CFAP299: variants seen among roughly 807,000 people sequenced by gnomAD.
CFAP299 encodes cilia and flagella associated protein 299.
CFAP299 carries 21 observed loss-of-function variants against 27.0 expected under a neutral mutation model. The observed-to-expected ratio is 0.78, with a 90% CI of 0.55 to 1.12. CFAP299 has a LOEUF of 1.12. Among genes scored for constraint, CFAP299 ranks in the 50% most tolerant of loss-of-function variants. The pLI, the probability that CFAP299 is intolerant of heterozygous loss-of-function variation, is 0.00. For synonymous variants in CFAP299, 104 were observed against 98.1 expected, an observed-to-expected ratio of 1.06 and a Z score of -0.36; for missense variants, 310 against 276.6, an observed-to-expected ratio of 1.12 and a Z score of -0.86.
chr4:80,820,559 G>A (rs1334085333), intron 3 of CFAP299, among the ~76,000 whole-genome samples: 1 of 152,080 alleles, frequency 6.6e-6, no homozygotes, highest in Non-Finnish European at 1.5e-5. Context: ...TAGGACCCAA[G>A]GGTGGGGAGG....
chr4:80,337,288 A>G (rs1200922158), intron 1 of CFAP299, among the ~76,000 whole-genome samples: 3 of 152,246 alleles, frequency 2.0e-5, no homozygotes, highest in Non-Finnish European at 4.4e-5. Flanking sequence ...TAGTATTATT[A>G]AGAAAGGTTT....
the CFAP299 span, among the ~76,000 whole-genome samples, chr4:80,326,848 T>C: frequency 3.9e-5 from 6 of 152,226 alleles, no homozygotes; most frequent in African/African-American, 7.2e-5. Context: ...ATTACAAAAT[T>C]ATATTTTAAA....
intron 1 of CFAP299, among the ~76,000 whole-genome samples, chr4:80,344,601 C>G (rs1003878399): frequency 3.3e-5 from 5 of 152,108 alleles, no homozygotes; most frequent in Non-Finnish European, 7.4e-5. Flanking sequence ...TCTAATGAAA[C>G]TATTTCAAAA....
intron 1 of CFAP299, among the ~76,000 whole-genome samples, chr4:80,348,385 C>T (rs1178918230): frequency 1.3e-5 from 2 of 152,090 alleles, no homozygotes; most frequent in Admixed American, 1.3e-4. Flanking sequence ...TGCAATCTAT[C>T]CGTCTGACAA....
chr4:80,866,315 T>C (rs944458802), intron 3 of CFAP299, among the ~76,000 whole-genome samples: 4 of 151,812 alleles, frequency 2.6e-5, no homozygotes, highest in East Asian at 1.9e-4. Context: ...AGAATTCTAA[T>C]TGAGAAAATA....
At position 80,591,131 on chromosome 4, in the gene CFAP299, T is replaced by TA. The variant is rs1560643089; in HGVS notation, c.333+7949dup. 1.4e-3 allele frequency among the ~76,000 whole-genome samples: 190 copies of TA among 137,128 alleles called. 1 individual carries two copies. The highest frequency in any genetic ancestry group is 2.2e-3 in the Non-Finnish European group (141 of 63,474). The allele number at this position is 137,128 out of a possible 152,430, so 90.0% of individuals were successfully genotyped here. A position where few individuals can be genotyped will look rare whatever the true frequency, so the allele number is the denominator to read the frequency against. ...TTTTTTTTTTTTTTTTTTTTTTTTT[T>TA]ATTTTTTTTTGAGACGGAGTCTCGC... On this transcript the variant is annotated intron_variant, in intron 3 of 5. Coordinates refer to ENST00000358105, the MANE Select transcript of CFAP299 (RefSeq NM_152770.3).
intron 2 of CFAP299, among the ~76,000 whole-genome samples, chr4:80,543,705 A>C (rs1335397834): frequency 6.6e-6 from 1 of 152,256 alleles, no homozygotes; most frequent in African/African-American, 2.4e-5. Context: ...TAAAGAGAAG[A>C]ATCTTATCGT....
chr4:80,702,775 G>T (rs560521640), intron 3 of CFAP299, among the ~76,000 whole-genome samples: 146 of 151,894 alleles, frequency 9.6e-4, no homozygotes, highest in Non-Finnish European at 1.8e-3. Context: ...TGCTAGCAAG[G>T]TTTAAACCTT....
chr4:80,770,398 C>T (rs1726142291), intron 3 of CFAP299, among the ~76,000 whole-genome samples: 1 of 152,050 alleles, frequency 6.6e-6, no homozygotes, highest in Non-Finnish European at 1.5e-5. Context: ...TTGACAATCT[C>T]CTTAACTATA....
intron 3 of CFAP299, among the ~76,000 whole-genome samples, chr4:80,622,821 T>G (rs1281924638): frequency 6.6e-6 from 1 of 152,082 alleles, no homozygotes; most frequent in Non-Finnish European, 1.5e-5. Context: ...CTAAAAAAAC[T>G]CCATGCAATA....
intron 3 of CFAP299, among the ~76,000 whole-genome samples, chr4:80,655,629 C>T (rs1273763262): frequency 6.6e-6 from 1 of 152,040 alleles, no homozygotes; most frequent in Non-Finnish European, 1.5e-5. Context: ...ATAGGATTCC[C>T]ATTCTATTTT....
intron 2 of CFAP299, among the ~76,000 whole-genome samples, chr4:80,390,057 C>G (rs1725241553): frequency 6.6e-6 from 1 of 152,036 alleles, no homozygotes. Context: ...TTTTGAAATA[C>G]ATATACATTA....
chr4:80,710,673 A>T (rs557875772), intron 3 of CFAP299, among the ~76,000 whole-genome samples: 1 of 151,566 alleles, frequency 6.6e-6, no homozygotes, highest in East Asian at 2.0e-4. Context: ...CGTTCCAACT[A>T]CATCATCCCT....
intron 2 of CFAP299, among the ~76,000 whole-genome samples, chr4:80,377,395 G>T (rs1006099114): frequency 6.6e-6 from 1 of 151,938 alleles, no homozygotes; most frequent in Admixed American, 6.6e-5. Context: ...ATTGAATTTT[G>T]TAGGTACTTT....
At chr4:80,916,472 G>A (rs72865192) in intron 4 of CFAP299, among the ~76,000 whole-genome samples, 2,380 of 151,454 alleles carry the variant, frequency 0.016, 66 homozygotes, top group African/African-American at 0.054. Context: ...AATTTCTGAC[G>A]CTTGTTTTAA....
intron 4 of CFAP299, among the ~76,000 whole-genome samples, chr4:80,924,146 G>T (rs1235823859): frequency 2.0e-5 from 3 of 151,890 alleles, no homozygotes; most frequent in African/African-American, 7.2e-5. Context: ...ATTTTTTAAA[G>T]GAGAAGAAAG....
At chr4:80,679,185 T>C (rs564182320) in intron 3 of CFAP299, among the ~76,000 whole-genome samples, 16 of 152,204 alleles carry the variant, frequency 1.1e-4, no homozygotes, top group South Asian at 1.0e-3. Context: ...TGAAATGGAC[T>C]TTTTTCAGTA....
intron 3 of CFAP299, among the ~76,000 whole-genome samples, chr4:80,772,636 G>A (rs990780362): frequency 1.3e-5 from 2 of 151,856 alleles, no homozygotes; most frequent in South Asian, 4.2e-4. Flanking sequence ...ATGGTGGTTT[G>A]CTGCCCCTAT....
chr4:80,443,507 G>A (rs751344903), intron 2 of CFAP299, among the ~76,000 whole-genome samples: 4 of 152,114 alleles, frequency 2.6e-5, no homozygotes, highest in Admixed American at 6.5e-5. Context: ...CACTCAATAA[G>A]CTAGGTGTTG....
Sources: gnomAD v4.1 joint callset for allele counts (sites outside exome capture counted in the v4.1 genomes callset) on GRCh38, gnomAD v4.1.1 for gene constraint, MANE v1.5 for transcripts, NCBI Gene and HGNC (gene_info 2026-07-23, HGNC 2026-07-21) for gene names.